Variants in AHCTF1 observed in about 807,000 individuals in gnomAD.
The protein encoded by AHCTF1 is protein ELYS.
Under a neutral mutation model 248.4 loss-of-function variants are expected in AHCTF1, and 24 were observed. The observed-to-expected ratio is 0.10, with a 90% CI of 0.07 to 0.14. The LOEUF is 0.14. Ranked by LOEUF, AHCTF1 falls within the 10% of genes least tolerant of loss-of-function variation. The probability of loss-of-function intolerance (pLI) is 1.00; values close to 1 mark genes in which losing one functional copy is unlikely to be tolerated. For missense variants in AHCTF1, 2,206 were observed against 2,636.2 expected (o/e 0.84, Z 3.57); for synonymous variants, 786 against 929.8 (o/e 0.85, Z 2.81).
chr1:246,862,226 A>C (rs2103068779), intron 27 of AHCTF1, 73 bp from the exon 28 acceptor site: 1 of 1,164,194 alleles, frequency 8.6e-7, no homozygotes, highest in Non-Finnish European at 1.2e-6. Context: ...CACGCCTGTA[A>C]TCCCTGCACT....
chr1:246,903,660 C>T (rs374608822), intron 7 of AHCTF1, among the ~76,000 whole-genome samples: 16 of 117,250 alleles, frequency 1.4e-4, no homozygotes, highest in Middle Eastern at 4.3e-3. Flanking sequence ...AGACCCCCCC[C>T]CCTCCGTCTC....
intron 5 of AHCTF1, 46 bp downstream of exon 5, chr1:246,907,505 C>CAAAA: frequency 6.4e-7 from 1 of 1,550,434 alleles, no homozygotes; most frequent in Non-Finnish European, 8.8e-7. Flanking sequence ...AAGCTATATG[C>CAAAA]AAAAAAACTA....
intron 23 of AHCTF1, among the ~76,000 whole-genome samples, chr1:246,876,563 A>G (rs1662980280): frequency 6.6e-6 from 1 of 152,220 alleles, no homozygotes. Context: ...AAGCACACAG[A>G]GTAAATGAAG....
chr1:246,858,279 C>T (rs780784739), intron 29 of AHCTF1, among the ~76,000 whole-genome samples: 1 of 152,016 alleles, frequency 6.6e-6, no homozygotes, highest in Non-Finnish European at 1.5e-5. Context: ...TCTTCTAATT[C>T]TCTGAACCTA....
intron 33 of AHCTF1, among the ~76,000 whole-genome samples, chr1:246,846,482 C>T (rs1660268531): frequency 6.6e-6 from 1 of 152,020 alleles, no homozygotes; most frequent in African/African-American, 2.4e-5. Context: ...AAACAAGGCT[C>T]ATAAAGGTTA....
At chr1:246,861,483 T>C (rs994484215) in intron 28 of AHCTF1, among the ~76,000 whole-genome samples, 188 bp from the exon 29 acceptor site, 7 of 152,164 alleles carry the variant, frequency 4.6e-5, no homozygotes, top group African/African-American at 1.7e-4. Flanking sequence ...GGCTAATGTT[T>C]CCCTAATTGG....
At chr1:246,914,815 T>C (rs1451540582) in intron 3 of AHCTF1, among the ~76,000 whole-genome samples, 1 of 152,210 alleles carries the variant, frequency 6.6e-6, no homozygotes, top group African/African-American at 2.4e-5. Flanking sequence ...TTCAGGAACC[T>C]TGTTTCTTCT....
chr1:246,902,640 G>A lies in AHCTF1; in HGVS notation c.1002C>T (p.Asp334=). 6.2e-7 allele frequency: 1 copy of A among 1,613,232 alleles called. No individual in the cohort carries two copies. The highest frequency in any genetic ancestry group is 8.5e-7 in the Non-Finnish European group (1 of 1,179,740). The change falls in exon 8 of 36, where the codon GAC becomes GAT. Residue 334 remains aspartate, a synonymous_variant. Transcript: ENST00000648844. The part of the protein sequence containing the change: ...LEYCEERYTL[D]LTGGMFPLRG... ...TCAAAGGGAACATGCCACCTGTCAG[G>A]TCCAGGGTGTATCTTTCTTCACAGT... is the stretch of plus-strand genomic sequence containing the variant.
At chr1:246,896,745 T>A (rs948930522) in intron 12 of AHCTF1, among the ~76,000 whole-genome samples, 1 of 152,194 alleles carries the variant, frequency 6.6e-6, no homozygotes, top group African/African-American at 2.4e-5. Flanking sequence ...AGCTGATATT[T>A]TGAAAATCAC....
intron 33 of AHCTF1, among the ~76,000 whole-genome samples, chr1:246,848,076 A>T (rs1464006101): frequency 6.6e-6 from 1 of 152,160 alleles, no homozygotes; most frequent in Non-Finnish European, 1.5e-5. Flanking sequence ...TATACTACCA[A>T]AATCGAAGAT....
At chr1:246,867,073 C>G (rs1053422024) in intron 26 of AHCTF1, among the ~76,000 whole-genome samples, 171 bp downstream of exon 26, 5 of 151,962 alleles carry the variant, frequency 3.3e-5, no homozygotes, top group Non-Finnish European at 7.4e-5. Context: ...TATACTACTA[C>G]CTGATGTAAA....
chr1:246,902,913 A>G (rs1053602383), intron 7 of AHCTF1, among the ~76,000 whole-genome samples: 1 of 152,218 alleles, frequency 6.6e-6, no homozygotes, highest in African/African-American at 2.4e-5. Flanking sequence ...TTAACACAGA[A>G]GCCCTCATGC....
At chr1:246,907,079 T>TA (rs2103193095) in intron 5 of AHCTF1, among the ~76,000 whole-genome samples, 1 of 152,324 alleles carries the variant, frequency 6.6e-6, no homozygotes, top group East Asian at 1.9e-4. Context: ...TAGCCTACTA[T>TA]ATACCTAGGC....
At chr1:246,902,843 CAAAT>C (rs1665102610) in intron 7 of AHCTF1, among the ~76,000 whole-genome samples, 168 bp from the exon 8 acceptor site, 1 of 152,080 alleles carries the variant, frequency 6.6e-6, no homozygotes, top group Non-Finnish European at 1.5e-5. Flanking sequence ...TACTTTAAAA[CAAAT>C]AAAAAGTGAG....
intron 1 of AHCTF1, among the ~76,000 whole-genome samples, chr1:246,918,945 C>G (rs1419324125): frequency 2.0e-5 from 3 of 151,998 alleles, no homozygotes; most frequent in African/African-American, 7.3e-5. Flanking sequence ...GGAGAAAGTC[C>G]AAGAAAAATG....
intron 4 of AHCTF1, among the ~76,000 whole-genome samples, chr1:246,910,070 A>T (rs1217917246): frequency 6.6e-6 from 1 of 152,222 alleles, no homozygotes; most frequent in African/African-American, 2.4e-5. Flanking sequence ...ATGTGATACA[A>T]TATGAAGTAC....
At position 246,891,826 on chromosome 1, in the gene AHCTF1, A is replaced by G. The variant is rs1050490367; in HGVS notation, c.1898T>C (p.Ile633Thr). 18 of 1,611,330 alleles carry G rather than the reference A, an allele frequency of 1.1e-5. No homozygotes were observed. The highest frequency in any genetic ancestry group is 1.5e-5 in the Non-Finnish European group (18 of 1,179,240). Residue 633 changes from isoleucine (I) to threonine (T), a missense_variant, in exon 15 of 36, where the codon ATA (isoleucine) becomes ACA (threonine). Coordinates refer to ENST00000648844, the MANE Select transcript of AHCTF1 (RefSeq NM_001323342.2). ...QCYLLLSNLN[I>T]VLSCFASEAR... Reference sequence around the variant, plus strand: ...TTCTGATGCAAAACAGCTCAAGACTATATTAAGATTGCTAAGAAGCAAATA... The same window carrying G: ...TTCTGATGCAAAACAGCTCAAGACTGTATTAAGATTGCTAAGAAGCAAATA...
At chr1:246,899,151 T>A (rs531926072) in intron 11 of AHCTF1, among the ~76,000 whole-genome samples, 1 of 152,266 alleles carries the variant, frequency 6.6e-6, no homozygotes, top group Admixed American at 6.5e-5. Context: ...ACTATACCAC[T>A]GTGCTAGGTG....
In AHCTF1 at chr1:246,907,534, A is replaced by G. The variant is rs533320448; in HGVS notation, c.764+17T>C. On this transcript the variant is annotated intron_variant, in intron 5 of 35. Transcript: ENST00000648844. ...AAAACTACCTATAATCAAATAAGGG[A>G]AAAAAGTTATACTTACTCTCTTTTC... is the stretch of plus-strand genomic sequence containing the variant. The G allele has an allele frequency of 6.8e-5, 109 of 1,605,592 alleles. 4 individuals are homozygous for G. The South Asian group carries it at 1.2e-3, about 18-fold the overall frequency.
Sources: gnomAD v4.1 joint callset for allele counts (sites outside exome capture counted in the v4.1 genomes callset) on GRCh38, gnomAD v4.1.1 for gene constraint, MANE v1.5 for transcripts, NCBI Gene and HGNC (gene_info 2026-07-23, HGNC 2026-07-21) for gene names.